The following PLXND1 variants were observed in gnomAD, a reference collection of about 807,000 sequenced individuals.
PLXND1 encodes plexin D1.
Under a neutral mutation model 197.7 loss-of-function variants are expected in PLXND1, and 54 were observed. The ratio of observed to expected loss-of-function variants is 0.27; its 90% CI spans 0.22 to 0.34. The LOEUF (loss-of-function observed/expected upper bound fraction) is 0.34, where lower values mean the gene tolerates loss of function less well. Ranked by LOEUF, PLXND1 falls within the 10% of genes least tolerant of loss-of-function variation. The probability of loss-of-function intolerance (pLI) is 1.00; values close to 1 mark genes in which losing one functional copy is unlikely to be tolerated. For synonymous variants in PLXND1, 1,180 were observed against 1,161.2 expected (o/e 1.02, Z -0.33); for missense variants, 2,127 against 2,699.2 (o/e 0.79, Z 4.70).
chr3:129,578,729 G>A (rs1270395137), intron 8 of PLXND1, among the ~76,000 whole-genome samples: 3 of 152,164 alleles, frequency 2.0e-5, no homozygotes, highest in African/African-American at 4.8e-5. Context: ...GGCCTCAGAC[G>A]AGGCTGGGAG....
chr3:129,602,212 C>T (rs1045885808), intron 1 of PLXND1, among the ~76,000 whole-genome samples: 2 of 152,216 alleles, frequency 1.3e-5, no homozygotes, highest in African/African-American at 4.8e-5. Context: ...CACTCCACTT[C>T]TCTGGCTAAA....
intron 29 of PLXND1, chr3:129,560,924 CAG>C: frequency 1.5e-6 from 1 of 679,102 alleles, no homozygotes; most frequent in Non-Finnish European, 2.7e-6. Flanking sequence ...GACAGAGATG[CAG>C]AGACGCATGG....
In PLXND1 at chr3:129,574,370, A is replaced by G. The variant is rs1003519399; in HGVS notation, c.2651T>C (p.Met884Thr). The change falls in exon 12 of 36, where the codon ATG becomes ACG. Residue 884 changes from methionine to threonine, a missense_variant. By Grantham distance (81) the Met-to-Thr change is moderately conservative. This residue lies in a region of PLXND1 where 1,095 missense variants were observed against 1,259.8 expected (regional missense o/e 0.87). Coordinates refer to ENST00000324093, the MANE Select transcript of PLXND1 (RefSeq NM_015103.3). ...GCRLRGPLQP[M>T]AGTCPAPEIH... ...CTCGGGGGCGGGGCAGGTGCCAGCC[A>G]TGGGCTGCAGAGGCCCCCGCAGGCG... 9.3e-6 allele frequency: 15 copies of G among 1,610,150 alleles called. No individual in the cohort carries two copies. Among genetic ancestry groups the G allele is most frequent in the Non-Finnish European group, 1.2e-5 (14 of 1,178,860 alleles).
rs1317568965 is a variant in PLXND1, at chr3:129,606,578, G to T, written c.62C>A (p.Pro21Gln). 2 of 1,230,342 alleles carry T rather than the reference G, an allele frequency of 1.6e-6. No homozygotes were observed. Among genetic ancestry groups the T allele is most frequent in the South Asian group, 7.8e-5 (2 of 25,564 alleles). The allele number at this position is 1,230,342 out of a possible 1,614,324, so 76.2% of individuals were successfully genotyped here. A position where few individuals can be genotyped will look rare whatever the true frequency, so the allele number is the denominator to read the frequency against. The change falls in exon 1 of 36, where the codon CCG becomes CAG. Residue 21 changes from proline to glutamine, a missense_variant. This residue lies in a region of PLXND1 where 245 missense variants were observed against 267.1 expected (regional missense o/e 0.92). Coordinates refer to ENST00000324093, the MANE Select transcript of PLXND1 (RefSeq NM_015103.3). ...LSARAAAASPPPFQTPPRCPV... is the reference protein window; with the variant it reads ...LSARAAAASPQPFQTPPRCPV... Reference sequence around the variant, plus strand: ...GCACCGCGGCGGCGTCTGGAACGGCGGGGGGCTGGCGGCGGCGGCCCGGGC... The same window carrying T: ...GCACCGCGGCGGCGTCTGGAACGGCTGGGGGCTGGCGGCGGCGGCCCGGGC...
Position 129,606,067 on chromosome 3 carries a change from G to A in PLXND1, c.573C>T (p.Thr191=). 6.4e-7 allele frequency: 1 copy of A among 1,574,028 alleles called. No individual in the cohort carries two copies. Among genetic ancestry groups the A allele is most frequent in the East Asian group, 2.3e-5 (1 of 43,288 alleles). The change falls in exon 1 of 36, where the codon ACC becomes ACT. Residue 191 remains threonine (T), a synonymous_variant. Transcript: ENST00000324093. ...NVAANHPNAS[T]VGLVLPPAAG... is the part of the protein sequence containing the mutation. ...CGGCGGGAGGCAGAACTAGCCCCACGGTGGACGCGTTCGGGTGGTTGGCCG... is the reference window on the plus strand; with the variant it reads ...CGGCGGGAGGCAGAACTAGCCCCACAGTGGACGCGTTCGGGTGGTTGGCCG...
chr3:129,578,202 C>T, intron 9 of PLXND1, 127 bp downstream of exon 9: 2 of 698,114 alleles, frequency 2.9e-6, no homozygotes, highest in Non-Finnish European at 2.6e-6. Flanking sequence ...GCAAAGCCCA[C>T]ACAGGTGCGA....
chr3:129,574,562 A>G, intron 11 of PLXND1, 72 bp from the exon 12 acceptor site: 1 of 1,458,242 alleles, frequency 6.9e-7, no homozygotes, highest in South Asian at 1.3e-5. Context: ...TGCCCTCCAC[A>G]CACAACAACT....
chr3:129,564,701 C>T (rs1040443940), intron 25 of PLXND1, among the ~76,000 whole-genome samples: 1 of 152,248 alleles, frequency 6.6e-6, no homozygotes, highest in Non-Finnish European at 1.5e-5. Flanking sequence ...GGTTACCGGG[C>T]CCACCCTCTT....
intron 2 of PLXND1, 41 bp downstream of exon 2, chr3:129,589,310 T>TCCCCCCCCCCCCCCCCCCCCCCCCAC: frequency 2.0e-6 from 1 of 501,294 alleles, no homozygotes; most frequent in Non-Finnish European, 3.8e-6. Context: ...CAGGGGAGCC[T>TCCCCCCCCCCCCCCCCCCCCCCCCAC]CCCACCCCCA....
chr3:129,585,649 C>A (rs563235039), intron 5 of PLXND1, among the ~76,000 whole-genome samples: 1 of 152,222 alleles, frequency 6.6e-6, no homozygotes. Flanking sequence ...CCTAGCTGTG[C>A]GACCTGCAGC....
In PLXND1 at chr3:129,605,809, C is replaced by G. The variant is rs1248603454; in HGVS notation, c.831G>C (p.Leu277=). 6.2e-7 allele frequency: 1 copy of G among 1,606,970 alleles called. No homozygotes were observed. Among genetic ancestry groups the G allele is most frequent in the African/African-American group, 1.3e-5 (1 of 74,760 alleles). The change falls in exon 1 of 36, where the codon CTG becomes CTC. Residue 277 remains leucine (L), a synonymous_variant. Coordinates refer to ENST00000324093, the MANE Select transcript of PLXND1 (RefSeq NM_015103.3). The part of the protein sequence containing the change: ...IKQGAKEQHK[L]GFVSAFLHPS... ...GGTGCAGGAAGGCGCTCACGAAGCC[C>G]AGCTTGTGCTGCTCCTTGGCGCCCT...
chr3:129,597,586 C>A (rs1054477532), intron 1 of PLXND1, among the ~76,000 whole-genome samples: 8 of 152,258 alleles, frequency 5.3e-5, no homozygotes, highest in African/African-American at 1.7e-4. Context: ...TTCCCTCCCC[C>A]TCCAGCGCAT....
intron 29 of PLXND1, chr3:129,561,019 G>GAGAA: frequency 1.8e-6 from 1 of 552,310 alleles, no homozygotes; most frequent in Non-Finnish European, 3.4e-6. Flanking sequence ...GAGGCAGAGA[G>GAGAA]AGAAAGACAC....
intron 11 of PLXND1, 111 bp downstream of exon 11, chr3:129,575,356 TGG>T (rs2085296781): frequency 1.5e-6 from 1 of 675,678 alleles, no homozygotes; most frequent in South Asian, 1.7e-5. Flanking sequence ...TGGAGAACAA[TGG>T]GGTGGGACAT....
intron 11 of PLXND1, 47 bp from the exon 12 acceptor site, chr3:129,574,537 GC>G: frequency 6.4e-7 from 1 of 1,573,244 alleles, no homozygotes; most frequent in Non-Finnish European, 8.7e-7. Context: ...TGCGGTGCAT[GC>G]CCCAACACCG....
At chr3:129,560,810 A>G (rs1457990299) in intron 29 of PLXND1, 87 bp from the exon 30 acceptor site, 2 of 839,240 alleles carry the variant, frequency 2.4e-6, no homozygotes, top group South Asian at 1.4e-5. Flanking sequence ...TGAGAAACAG[A>G]AACAAGACAG....
rs757290324 is a variant in PLXND1, at chr3:129,560,420, G to A, written c.5043C>T (p.Asp1681=). 2.3e-5 allele frequency: 37 copies of A among 1,612,894 alleles called. No individual in the cohort carries two copies. In the Admixed American group the frequency reaches 2.3e-4, roughly 10 times the overall value. Residue 1681 remains aspartate, a synonymous_variant, in exon 31 of 36, where the codon GAC becomes GAT. Coordinates refer to ENST00000324093, the MANE Select transcript of PLXND1 (RefSeq NM_015103.3). Reference sequence around the variant, plus strand: ...GAGACTTCTTGGGCTCCGCCAGCTCGTCCGTAGGCAGCACCTGGGAGGCCG... The same window carrying A: ...GAGACTTCTTGGGCTCCGCCAGCTCATCCGTAGGCAGCACCTGGGAGGCCG... ...EKYFHLVLPT[D]ELAEPKKSHR...
rs1160339407 is a variant in PLXND1, at chr3:129,596,475, C to A, written c.1312-6948G>T. ...TGGCCCCATTTCCAGCTCCCCTCCCCCTGGGTCCCAGAGGAGCACAGTGTG... is the reference window on the plus strand; with the variant it reads ...TGGCCCCATTTCCAGCTCCCCTCCCACTGGGTCCCAGAGGAGCACAGTGTG... On this transcript the variant is annotated intron_variant, in intron 1 of 35. Transcript: ENST00000324093. 3.3e-5 allele frequency among the ~76,000 whole-genome samples: 5 copies of A among 152,316 alleles called. No homozygotes were observed. In the South Asian group the frequency reaches 1.0e-3, roughly 32 times the overall value.
At position 129,583,592 on chromosome 3, in the gene PLXND1, C is replaced by A. The variant is rs138740853; in HGVS notation, c.2216G>T (p.Arg739Leu). Residue 739 changes from arginine (R) to leucine (L), a missense_variant, in exon 8 of 36, where the codon CGG becomes CTG. Around this residue, in one of 6 missense-constraint regions of PLXND1, gnomAD observed 1,095 missense variants for 1,259.8 expected, o/e 0.87. Coordinates refer to ENST00000324093, the MANE Select transcript of PLXND1 (RefSeq NM_015103.3). ...QQHSCVSNQS[R>L]CEASPNPTSP... ...CGTGGGGTTTGGTGAGGCCTCGCAC[C>A]GAGACTGGTTGGAAACACAGGAGTG... 6.2e-7 allele frequency: 1 copy of A among 1,613,904 alleles called. No individual in the cohort carries two copies. Among genetic ancestry groups the A allele is most frequent in the Non-Finnish European group, 8.5e-7 (1 of 1,179,876 alleles).
Sources: allele counts gnomAD v4.1 joint callset (sites outside exome capture counted in the v4.1 genomes callset), GRCh38; gene constraint gnomAD v4.1.1; regional missense constraint gnomAD v4.1.1; transcripts MANE v1.5; gene names NCBI Gene and HGNC (gene_info 2026-07-23, HGNC 2026-07-21).